Variants in LATS2 observed in about 807,000 individuals in gnomAD.
LATS2 encodes the protein serine/threonine-protein kinase LATS2.
A neutral mutation model predicts 76.0 loss-of-function variants in LATS2; 24 were observed. That is an observed-to-expected ratio of 0.32 (90% CI 0.23 to 0.44). The LOEUF (loss-of-function observed/expected upper bound fraction) is 0.44, where lower values mean the gene tolerates loss of function less well. LATS2 is among the 20% of genes least tolerant of loss of function. The pLI is 1.00. For synonymous variants in LATS2, 692 were observed against 635.4 expected (o/e 1.09, Z -1.34); for missense variants, 1,286 against 1,481.2 (o/e 0.87, Z 2.16).
Position 20,991,228 on chromosome 13 carries a change from G to A in LATS2, c.475+44C>T. On this transcript the variant is annotated intron_variant, in intron 3 of 7. Coordinates refer to ENST00000382592, the MANE Select transcript of LATS2 (RefSeq NM_014572.3). The surrounding 1 kb of genome is among the most constrained non-coding windows in gnomAD (Gnocchi z 4.9). ...CTGCACGTGGTTTTGTTGTCCTTAAGCCACAAACCATCTTTGCCCACTATG... is the reference window on the plus strand; with the variant it reads ...CTGCACGTGGTTTTGTTGTCCTTAAACCACAAACCATCTTTGCCCACTATG... 2 of 1,612,158 alleles carry A rather than the reference G, an allele frequency of 1.2e-6. No individual in the cohort carries two copies. Among genetic ancestry groups the A allele is most frequent in the East Asian group, 2.2e-5 (1 of 44,864 alleles).
chr13:20,986,005 T>C (rs74321787), intron 4 of LATS2, among the ~76,000 whole-genome samples: 11,685 of 149,206 alleles, frequency 0.078, 946 homozygotes, highest in East Asian at 0.42. Context: ...GATCGTGCCA[T>C]TGCACTCCAG....
Position 20,989,144 on chromosome 13 carries a change from C to A in LATS2, c.636G>T (p.Val212=). The A allele has an allele frequency of 1.7e-5, 27 of 1,611,598 alleles. No homozygotes were observed. Among genetic ancestry groups the A allele is most frequent in the Non-Finnish European group, 2.3e-5 (27 of 1,179,448 alleles). Residue 212 remains valine, a synonymous_variant, in exon 4 of 8, where the codon GTG becomes GTT. Coordinates refer to ENST00000382592, the MANE Select transcript of LATS2 (RefSeq NM_014572.3). ...GGCCGACTCCGGGGAAAAGGTAGTC[C>A]ACGTACGGCCGCGGCATCTCCTCCA... The part of the protein sequence containing the change: ...TALEEMPRPY[V]DYLFPGVGPH...
intron 2 of LATS2, among the ~76,000 whole-genome samples, chr13:21,000,988 A>C (rs1871016980): frequency 6.6e-6 from 1 of 152,256 alleles, no homozygotes. Context: ...AGAGCATGAC[A>C]ATAACATGCT....
At chr13:20,985,748 T>A (rs9509478) in intron 4 of LATS2, among the ~76,000 whole-genome samples, 69,029 of 143,846 alleles carry the variant, frequency 0.48, 16,103 homozygotes, top group Middle Eastern at 0.59. Context: ...AATTAAAAAA[T>A]AAATAAATAA....
At chr13:21,058,940 A>AG (rs1873535047) in intron 1 of LATS2, among the ~76,000 whole-genome samples, 2 of 150,602 alleles carry the variant, frequency 1.3e-5, no homozygotes, top group Admixed American at 1.3e-4. Context: ...CGGTTGTTAC[A>AG]GAAAAAAAAA....
At chr13:20,984,357 A>G (rs1458283345) in intron 4 of LATS2, among the ~76,000 whole-genome samples, 1 of 152,338 alleles carries the variant, frequency 6.6e-6, no homozygotes, top group African/African-American at 2.4e-5. Flanking sequence ...TATTAACACA[A>G]ATCTGTGGAA....
At chr13:20,986,305 G>C (rs1240881751) in intron 4 of LATS2, among the ~76,000 whole-genome samples, 1 of 152,122 alleles carries the variant, frequency 6.6e-6, no homozygotes, top group African/African-American at 2.4e-5. Flanking sequence ...GTATATCAAA[G>C]GGATACCTGC....
chr13:21,053,938 G>A (rs905530736), intron 1 of LATS2, among the ~76,000 whole-genome samples: 2 of 152,148 alleles, frequency 1.3e-5, no homozygotes, highest in African/African-American at 4.8e-5. Flanking sequence ...TACTTAAGGG[G>A]TACAGTTTTT....
intron 2 of LATS2, among the ~76,000 whole-genome samples, chr13:21,028,543 G>A (rs1020284410): frequency 2.0e-5 from 3 of 152,096 alleles, no homozygotes; most frequent in Non-Finnish European, 4.4e-5. Flanking sequence ...TAAGTATTTT[G>A]TATTTCTAAA....
chr13:21,024,386 A>T (rs1385274103), intron 2 of LATS2, among the ~76,000 whole-genome samples: 8 of 152,128 alleles, frequency 5.3e-5, no homozygotes, highest in Non-Finnish European at 8.8e-5. Context: ...CAGTGAGCCG[A>T]GATCGCGCCA....
chr13:21,016,700 AAGAGCAGCCTCTCAGGCAACCC>A (rs1365120683), intron 2 of LATS2, among the ~76,000 whole-genome samples: 9 of 152,206 alleles, frequency 5.9e-5, no homozygotes, highest in Non-Finnish European at 1.2e-4. Context: ...CCAAGGCGCC[AAGAGCAGCCTCTCAGGCAACCC>A]AGAGCAAAAA....
In LATS2 at chr13:20,973,980, C is replaced by G. The variant is rs369490836; in HGVS notation, c.*890G>C. 5.9e-5 allele frequency: 12 copies of G among 201,962 alleles called. No homozygotes were observed. The highest frequency in any genetic ancestry group is 3.4e-4 in the East Asian group (4 of 11,894). The allele number at this position is 201,962 out of a possible 1,614,324, so 12.5% of individuals were successfully genotyped here. On this transcript the variant is annotated 3_prime_UTR_variant, in exon 8 of 8. Coordinates refer to ENST00000382592, the MANE Select transcript of LATS2 (RefSeq NM_014572.3). ...TGACAAATGTTTCAGTTCCCCCCCC[C>G]CAAAGAATCCAATCACAACCAAGAC...
In LATS2 at chr13:21,007,134, T is replaced by C. The variant is rs141652998; in HGVS notation, c.343-15730A>G. Among the ~76,000 whole-genome samples the C allele has an allele frequency of 5.2e-3, 798 of 152,296 alleles. 4 individuals are homozygous for C. Among genetic ancestry groups the C allele is most frequent in the African/African-American group, 0.018 (766 of 41,562 alleles). On this transcript the variant is annotated intron_variant, in intron 2 of 7. Transcript: ENST00000382592. ...ATTCCCTGGCTATGCAGTTTTTATG[T>C]ATTTTTCTGAAAAAGTTACAGTGTA...
Position 20,983,791 on chromosome 13 carries a change from C to T in LATS2, c.1915G>A (p.Ala639Thr), listed in dbSNP as rs558374890. The T allele has an allele frequency of 2.9e-5, 47 of 1,611,696 alleles. No homozygotes were observed. The highest frequency in any genetic ancestry group is 4.0e-5 in the Non-Finnish European group (47 of 1,179,638). ...QEMAKAGLCE[A>T]EQEQMRKILY... is the part of the protein sequence containing the mutation. ...ATCTTCCGCATCTGCTCCTGCTCAG[C>T]TTCACAGAGTCCAGCCTGTGTAGAA... Residue 639 changes from alanine to threonine, a missense_variant, in exon 5 of 8, where the codon GCT becomes ACT. By Grantham distance (58) the Ala-to-Thr change is moderately conservative (BLOSUM62 0). Around this residue, in one of 5 missense-constraint regions of LATS2, gnomAD observed 247 missense variants for 385.4 expected, o/e 0.64. Transcript: ENST00000382592.
At chr13:20,978,796 C>T (rs1224394860) in intron 7 of LATS2, among the ~76,000 whole-genome samples, 2 of 152,188 alleles carry the variant, frequency 1.3e-5, no homozygotes, top group African/African-American at 4.8e-5. Context: ...GAGTCTCACT[C>T]TGTCACCCAG....
At chr13:21,052,333 C>T (rs1297104627) in intron 1 of LATS2, among the ~76,000 whole-genome samples, 1 of 152,156 alleles carries the variant, frequency 6.6e-6, no homozygotes, top group Non-Finnish European at 1.5e-5. Flanking sequence ...AGGTTGCTTG[C>T]TCCAAGTGAC....
chr13:21,014,073 G>A (rs1871703555), intron 2 of LATS2, among the ~76,000 whole-genome samples: 1 of 149,970 alleles, frequency 6.7e-6, no homozygotes, highest in Non-Finnish European at 1.5e-5. Context: ...AGGGAAGGAA[G>A]GAAGGAGGAA....
Position 20,989,200 on chromosome 13 carries a change from G to C in LATS2, c.580C>G (p.Pro194Ala), listed in dbSNP as rs1169324183. 1 of 1,613,566 alleles carries C rather than the reference G, an allele frequency of 6.2e-7. No homozygotes were observed. Among genetic ancestry groups the C allele is most frequent in the African/African-American group, 1.3e-5 (1 of 74,944 alleles). Residue 194 changes from proline (P) to alanine (A), a missense_variant, in exon 4 of 8, where the codon CCA becomes GCA. By Grantham distance (27) the Pro-to-Ala change is conservative. Coordinates refer to ENST00000382592, the MANE Select transcript of LATS2 (RefSeq NM_014572.3). ...GTGGGGCCGTCAGCGCCGAAGCTTG[G>C]GCCCTCGTAGGGGGTACCGCTCAGC... is the stretch of plus-strand genomic sequence containing the variant. ...HQLSGTPYEG[P>A]SFGADGPTAL... is the part of the protein sequence containing the mutation.
chr13:21,059,239 C>T (rs567263147), intron 1 of LATS2, among the ~76,000 whole-genome samples: 1 of 152,210 alleles, frequency 6.6e-6, no homozygotes, highest in African/African-American at 2.4e-5. Context: ...AATTTTTTAC[C>T]GGCCAAATGT....
Sources: allele counts gnomAD v4.1 joint callset (sites outside exome capture counted in the v4.1 genomes callset), GRCh38; gene constraint gnomAD v4.1.1; regional missense constraint gnomAD v4.1.1; non-coding constraint Gnocchi (gnomAD v3.1); transcripts MANE v1.5; gene names NCBI Gene and HGNC (gene_info 2026-07-23, HGNC 2026-07-21).